LAMA2: variants seen among roughly 807,000 people sequenced by gnomAD.
LAMA2 encodes laminin subunit alpha-2.
LAMA2 carries 269 observed loss-of-function variants against 364.8 expected under a neutral mutation model. That is an observed-to-expected ratio of 0.74 (90% CI 0.67 to 0.82). LAMA2 has a LOEUF of 0.82. Among genes scored for constraint, LAMA2 ranks in the 40% least tolerant of loss-of-function variants. The pLI is 0.00. For synonymous variants in LAMA2, 1,379 were observed against 1,370.6 expected (o/e 1.01, Z -0.14); for missense variants, 3,807 against 3,873.2 (o/e 0.98, Z 0.45).
At chr6:129,355,865 A>G (rs1289701694) in intron 32 of LAMA2, among the ~76,000 whole-genome samples, 1 of 152,188 alleles carries the variant, frequency 6.6e-6, no homozygotes, top group African/African-American at 2.4e-5. Flanking sequence ...AAGAAAAGAA[A>G]GAGAGACAGA....
At chr6:129,199,649 C>G (rs1782058817) in intron 12 of LAMA2, among the ~76,000 whole-genome samples, 1 of 152,024 alleles carries the variant, frequency 6.6e-6, no homozygotes, top group Admixed American at 6.5e-5. Flanking sequence ...AATTAATATA[C>G]AAAAGTCAAT....
At chr6:129,204,018 G>T (rs565067812) in intron 12 of LAMA2, among the ~76,000 whole-genome samples, 4 of 152,116 alleles carry the variant, frequency 2.6e-5, no homozygotes, top group Non-Finnish European at 4.4e-5. Context: ...AGTAAAAGAC[G>T]TTTGTTAAAA....
At chr6:129,101,123 A>T (rs1445602946) in intron 4 of LAMA2, among the ~76,000 whole-genome samples, 1 of 152,272 alleles carries the variant, frequency 6.6e-6, no homozygotes, top group African/African-American at 2.4e-5. Context: ...AGAAACAAAC[A>T]TATAAACCAG....
At chr6:128,953,085 T>C (rs1780932226) in intron 1 of LAMA2, among the ~76,000 whole-genome samples, 1 of 152,192 alleles carries the variant, frequency 6.6e-6, no homozygotes, top group African/African-American at 2.4e-5. Flanking sequence ...GCATGGGTGA[T>C]GGGCCCAACC....
intron 19 of LAMA2, among the ~76,000 whole-genome samples, chr6:129,288,377 A>G (rs575096988): frequency 6.6e-6 from 1 of 152,248 alleles, no homozygotes; most frequent in East Asian, 1.9e-4. Context: ...TATTAGATAG[A>G]CACCATGTAT....
chr6:129,059,291 T>C (rs1788716663), intron 2 of LAMA2, among the ~76,000 whole-genome samples: 2 of 152,302 alleles, frequency 1.3e-5, no homozygotes, highest in East Asian at 1.9e-4. Flanking sequence ...ACCAGATATA[T>C]ATTGGACTCC....
chr6:129,340,484 T>C lies in LAMA2; in HGVS notation c.4312-1859T>C, dbSNP rs544683212. 3.9e-5 allele frequency among the ~76,000 whole-genome samples: 6 copies of C among 152,192 alleles called. No homozygotes were observed. In the South Asian group the frequency reaches 8.3e-4, roughly 21 times the overall value. On this transcript the variant is annotated intron_variant, in intron 29 of 64. Transcript: ENST00000421865. ...AGGGATGGAAAATAATGTGGCAATA[T>C]ACTGAATTGTTTGCCAGGAAACCAA...
intron 17 of LAMA2, among the ~76,000 whole-genome samples, chr6:129,279,321 G>A (rs1346594537): frequency 6.6e-6 from 1 of 152,144 alleles, no homozygotes. Context: ...GTTGCTGAAA[G>A]CTAAAGCTAG....
chr6:129,201,704 T>TA (rs1169783837), intron 12 of LAMA2, among the ~76,000 whole-genome samples: 2 of 152,012 alleles, frequency 1.3e-5, no homozygotes, highest in African/African-American at 4.8e-5. Context: ...CTCAACAATG[T>TA]AAAATTCATG....
intron 12 of LAMA2, among the ~76,000 whole-genome samples, chr6:129,244,620 A>G (rs894270591): frequency 1.3e-5 from 2 of 152,112 alleles, no homozygotes. Context: ...CAGAGAACCA[A>G]ATGTTCCAGG....
rs577232982 is a variant in LAMA2, at chr6:129,445,951, G to A, written c.6429+130G>A. On this transcript the variant is annotated intron_variant, in intron 45 of 64. Coordinates refer to ENST00000421865, the MANE Select transcript of LAMA2 (RefSeq NM_000426.4). ...TTTTCCTTTAACTCGAAGCGATTTG[G>A]GGTAGGAGGGGTTGGAGTGGGGGAG... 2.8e-5 allele frequency: 24 copies of A among 843,136 alleles called. No homozygotes were observed. The South Asian group carries it at 3.3e-4, about 12-fold the overall frequency. 52.2% of individuals were successfully genotyped at this position (843,136 alleles called of 1,614,324 possible). A position where few individuals can be genotyped will look rare whatever the true frequency, so the allele number is the denominator to read the frequency against.
At chr6:129,229,089 A>G (rs929664809) in intron 12 of LAMA2, among the ~76,000 whole-genome samples, 1 of 152,204 alleles carries the variant, frequency 6.6e-6, no homozygotes, top group Non-Finnish European at 1.5e-5. Flanking sequence ...GAAACTTTCT[A>G]GTTTCCAAAC....
intron 4 of LAMA2, among the ~76,000 whole-genome samples, chr6:129,099,899 G>C (rs968892335): frequency 3.3e-5 from 5 of 152,198 alleles, no homozygotes; most frequent in Admixed American, 6.5e-5. Context: ...TTTGTGCCTA[G>C]AGGCATCCAA....
intron 22 of LAMA2, 140 bp downstream of exon 22, chr6:129,301,012 A>G: frequency 1.3e-6 from 1 of 760,848 alleles, no homozygotes; most frequent in Non-Finnish European, 2.3e-6. Flanking sequence ...TACAGATATT[A>G]ATCAATATCT....
intron 3 of LAMA2, among the ~76,000 whole-genome samples, chr6:129,063,152 A>T (rs2114801988): frequency 6.6e-6 from 1 of 152,236 alleles, no homozygotes; most frequent in Middle Eastern, 3.4e-3. Context: ...CTTGGCAAGA[A>T]AATTAAAGTA....
At chr6:129,083,954 C>G (rs1324979813) in intron 3 of LAMA2, among the ~76,000 whole-genome samples, 1 of 152,088 alleles carries the variant, frequency 6.6e-6, no homozygotes, top group Non-Finnish European at 1.5e-5. Context: ...ATTTTGAGAG[C>G]CAGTGCAAAC....
At chr6:128,904,951 G>A (rs1777334938) in intron 1 of LAMA2, among the ~76,000 whole-genome samples, 1 of 152,104 alleles carries the variant, frequency 6.6e-6, no homozygotes, top group Non-Finnish European at 1.5e-5. Context: ...AGATGCATAT[G>A]GTTTTCTTTT....
rs573680117 is a variant in LAMA2 at position 129,236,461 on chromosome 6, A to T, written c.1783-13651A>T. Among the ~76,000 whole-genome samples the T allele has an allele frequency of 4.5e-3, 680 of 152,274 alleles. 2 individuals are homozygous for T. The highest frequency in any genetic ancestry group is 0.028 in the South Asian group (137 of 4,828). ...TCTATAAAAACCTCTGAATATCTGA[A>T]TACGTTTTAAGAGCACCCCTTATAA... On this transcript the variant is annotated intron_variant, in intron 12 of 64. Transcript: ENST00000421865.
chr6:129,364,279 C>T (rs755995118), intron 32 of LAMA2, among the ~76,000 whole-genome samples: 2 of 152,168 alleles, frequency 1.3e-5, no homozygotes, highest in Non-Finnish European at 2.9e-5. Flanking sequence ...ATGGTTTTCT[C>T]TCCATTAAGC....
Sources: gnomAD v4.1 joint callset for allele counts (sites outside exome capture counted in the v4.1 genomes callset) on GRCh38, gnomAD v4.1.1 for gene constraint, MANE v1.5 for transcripts, NCBI Gene and HGNC (gene_info 2026-07-23, HGNC 2026-07-21) for gene names.